Variants in IPO7 observed in about 807,000 individuals in gnomAD.
IPO7 encodes importin-7.
A neutral mutation model predicts 136.4 loss-of-function variants in IPO7; 13 were observed. That is an observed-to-expected ratio of 0.10 (90% confidence interval 0.06 to 0.15). The LOEUF is 0.15. IPO7 is among the 10% of genes least tolerant of loss of function. The pLI is 1.00. For synonymous variants in IPO7, 403 were observed against 404.4 expected, an observed-to-expected ratio of 1.00 and a Z score of 0.04; for missense variants, 857 against 1,240.6, an observed-to-expected ratio of 0.69 and a Z score of 4.65.
chr11:9,409,107 T>C (rs953957266), intron 3 of IPO7, among the ~76,000 whole-genome samples: 68 of 150,886 alleles, frequency 4.5e-4, no homozygotes, highest in African/African-American at 1.6e-3. Flanking sequence ...GGAGAATGCC[T>C]TAGTCATTTT....
At chr11:9,404,472 TAAATAAA>T (rs1854849278) in intron 2 of IPO7, among the ~76,000 whole-genome samples, 1 of 150,570 alleles carries the variant, frequency 6.6e-6, no homozygotes. Context: ...CTCAAAAAAA[TAAATAAA>T]AAATAAAAAA....
chr11:9,429,077 A>G lies in IPO7; in HGVS notation c.1472A>G (p.Asp491Gly). 1 of 1,614,056 alleles carries G rather than the reference A, an allele frequency of 6.2e-7. No homozygotes were observed. ...HYFCEVKFKS[D>G]QNLQTALELT... The stretch of plus-strand genomic sequence containing the variant: ...TTTTGTGAAGTGAAGTTCAAAAGTG[A>G]TCAGAACCTTCAAACAGCCTTAGAG... The change falls in exon 14 of 25, where the codon GAT becomes GGT. Residue 491 changes from aspartate to glycine, a missense_variant. Asp to Gly is a moderately conservative substitution (Grantham distance 94). Around this residue, in one of 11 missense-constraint regions of IPO7, gnomAD observed 127 missense variants for 222.4 expected, o/e 0.57. Coordinates refer to ENST00000379719, the MANE Select transcript of IPO7 (RefSeq NM_006391.3).
intron 8 of IPO7, among the ~76,000 whole-genome samples, chr11:9,420,916 T>C (rs1385230539): frequency 6.6e-6 from 1 of 152,188 alleles, no homozygotes; most frequent in South Asian, 2.1e-4. Flanking sequence ...ATTTATCATA[T>C]TAGAAATTAG....
At chr11:9,389,323 A>G (rs1021229789) in intron 1 of IPO7, among the ~76,000 whole-genome samples, 1 of 152,218 alleles carries the variant, frequency 6.6e-6, no homozygotes, top group Non-Finnish European at 1.5e-5. Context: ...TGCTGAGATT[A>G]CAGGCATGAG....
chr11:9,387,225 A>G (rs994164852), intron 1 of IPO7, among the ~76,000 whole-genome samples: 4 of 152,260 alleles, frequency 2.6e-5, no homozygotes, highest in African/African-American at 9.6e-5. Flanking sequence ...AAGATCATTG[A>G]CATTTGAATG....
rs767894052 is a variant in IPO7 at position 9,409,908 on chromosome 11, T to C, written c.321-20T>C. On this transcript the variant is annotated intron_variant, in intron 3 of 24. Transcript: ENST00000379719. ...TACCTAGTTAGGATTTTTTCCTTAC[T>C]GTTTTTTTTTGGCTTCCAGGGTACA... 3 of 1,495,320 alleles carry C rather than the reference T, an allele frequency of 2.0e-6. No individual in the cohort carries two copies. The highest frequency in any genetic ancestry group is 1.3e-5 in the South Asian group (1 of 74,810). The allele number at this position is 1,495,320 out of a possible 1,614,324, so 92.6% of individuals were successfully genotyped here. A position where few individuals can be genotyped will look rare whatever the true frequency, so the allele number is the denominator to read the frequency against.
intron 22 of IPO7, among the ~76,000 whole-genome samples, chr11:9,440,042 A>G (rs1284612325): frequency 1.3e-5 from 2 of 152,232 alleles, no homozygotes; most frequent in African/African-American, 4.8e-5. Flanking sequence ...TATCTATAAG[A>G]CTGTACACTA....
intron 2 of IPO7, among the ~76,000 whole-genome samples, chr11:9,405,100 AATT>A (rs541717152): frequency 1.5e-4 from 23 of 151,912 alleles, no homozygotes; most frequent in African/African-American, 4.1e-4. Context: ...GGCAGATAGG[AATT>A]ATTATTATTA....
At chr11:9,445,039 T>C in intron 24 of IPO7, 58 bp from the exon 25 acceptor site, 1 of 1,077,190 alleles carries the variant, frequency 9.3e-7, no homozygotes, top group Non-Finnish European at 1.4e-6. Flanking sequence ...GTTTTGTCAG[T>C]TTCTCACCAA....
chr11:9,392,105 C>A (rs1176462034), intron 1 of IPO7: 2 of 333,642 alleles, frequency 6.0e-6, no homozygotes, highest in Admixed American at 3.9e-5. Context: ...ACTATAATGA[C>A]TTAACCTCAC....
At chr11:9,397,545 A>G (rs925786979) in intron 1 of IPO7, among the ~76,000 whole-genome samples, 8 of 150,742 alleles carry the variant, frequency 5.3e-5, no homozygotes, top group African/African-American at 9.8e-5. Flanking sequence ...TTGTTGTTCC[A>G]ACATGGCTTC....
chr11:9,422,150 A>C (rs1276748663), intron 8 of IPO7, among the ~76,000 whole-genome samples: 1 of 151,680 alleles, frequency 6.6e-6, no homozygotes, highest in African/African-American at 2.4e-5. Context: ...GTGGTGGTGC[A>C]TGTCTGTAAT....
chr11:9,442,241 T>C (rs1855468773), intron 24 of IPO7, 44 bp downstream of exon 24: 2 of 850,520 alleles, frequency 2.4e-6, no homozygotes, highest in Non-Finnish European at 2.0e-6. Flanking sequence ...GTGACTTTTA[T>C]AGGTTTAAAA....
At chr11:9,427,692 T>C (rs1414877814) in intron 12 of IPO7, among the ~76,000 whole-genome samples, 2 of 152,248 alleles carry the variant, frequency 1.3e-5, no homozygotes, top group Non-Finnish European at 2.9e-5. Flanking sequence ...CAAGTTTATC[T>C]ATTCTTACCT....
intron 4 of IPO7, 28 bp downstream of exon 4, chr11:9,410,114 G>C (rs758777485): frequency 5.6e-6 from 8 of 1,429,546 alleles, no homozygotes; most frequent in Middle Eastern, 1.8e-4. Context: ...CTCCTATAGA[G>C]CTTTGAGAAG....
At chr11:9,438,417 G>T in intron 22 of IPO7, 132 bp downstream of exon 22, 1 of 633,896 alleles carries the variant, frequency 1.6e-6, no homozygotes, top group Non-Finnish European at 2.8e-6. Flanking sequence ...ACACGGTCAG[G>T]AGTTCGAGAC....
In IPO7 at chr11:9,420,644, G is replaced by A. The variant is rs774070416; in HGVS notation, c.852G>A (p.Glu284=). 5.6e-6 allele frequency: 9 copies of A among 1,613,408 alleles called. No homozygotes were observed. The highest frequency in any genetic ancestry group is 5.9e-6 in the Non-Finnish European group (7 of 1,179,404). Reference sequence around the variant, plus strand: ...GAAGCCCTGGCAATGTTTCCAAGGAGTATAATGAATTTGCTGAAGTATTTC... The same window carrying A: ...GAAGCCCTGGCAATGTTTCCAAGGAATATAATGAATTTGCTGAAGTATTTC... The part of the protein sequence containing the change: ...RYGSPGNVSK[E]YNEFAEVFLK... The change falls in exon 8 of 25, where the codon GAG becomes GAA. Residue 284 remains glutamate (E), a synonymous_variant. Transcript: ENST00000379719.
chr11:9,407,283 C>T (rs1854901584), intron 2 of IPO7, among the ~76,000 whole-genome samples: 1 of 152,176 alleles, frequency 6.6e-6, no homozygotes, highest in East Asian at 1.9e-4. Flanking sequence ...TATTTTAAAA[C>T]CTTGGCTCAC....
chr11:9,418,610 T>C (rs964942759), intron 6 of IPO7, among the ~76,000 whole-genome samples: 68 of 152,198 alleles, frequency 4.5e-4, no homozygotes, highest in African/African-American at 1.6e-3. Flanking sequence ...CATAGGAAAC[T>C]AGTTTGGTGT....
Sources: gnomAD v4.1 joint callset for allele counts (sites outside exome capture counted in the v4.1 genomes callset) on GRCh38, gnomAD v4.1.1 for gene constraint, gnomAD v4.1.1 regional missense constraint, MANE v1.5 for transcripts, NCBI Gene and HGNC (gene_info 2026-07-23, HGNC 2026-07-21) for gene names.